The following GJD3 variants were observed in gnomAD, a reference collection of about 807,000 sequenced individuals.
The protein encoded by GJD3 is gap junction protein delta 3, also known as gap junction delta-3 protein.
For missense variants in GJD3, 421 were observed against 448.5 expected, an observed-to-expected ratio of 0.94 and a Z score of 0.55; for synonymous variants, 217 against 226.7, an observed-to-expected ratio of 0.96 and a Z score of 0.38.
Position 40,363,472 on chromosome 17 carries a change from G to A in GJD3, c.344C>T (p.Pro115Leu). 1.3e-6 allele frequency: 2 copies of A among 1,531,640 alleles called. No individual in the cohort carries two copies. The highest frequency in any genetic ancestry group is 8.8e-7 in the Non-Finnish European group (1 of 1,140,978). 94.9% of individuals were successfully genotyped at this position (1,531,640 alleles called of 1,614,324 possible). A position where few individuals can be genotyped will look rare whatever the true frequency, so the allele number is the denominator to read the frequency against. ...CGCGCACTGGGCCTCGGGCAGTCCG[G>A]GGGCGCACTGCGCCGCCGCCTCAGC... is the stretch of plus-strand genomic sequence containing the variant. The part of the protein sequence containing the change: ...GGAEAAAQCA[P>L]GLPEAQCAPC... The change falls in exon 1 of 1, where the codon CCC becomes CTC. Residue 115 changes from proline (P) to leucine (L), a missense_variant. Pro to Leu is a moderately conservative substitution (Grantham distance 98). Transcript: ENST00000578689. This position sits in a 1 kb window ranked among gnomAD's most constrained non-coding sequence, Gnocchi z 5.5.
In GJD3 at chr17:40,362,632, C is replaced by G. The variant is rs2034762207; in HGVS notation, c.*299G>C. ...CCACCTTCCGCTCTGTTCTCCCCCT[C>G]GGGTCCACTCTCTCTCAGGGTCCTG... On this transcript the variant is annotated 3_prime_UTR_variant, in exon 1 of 1. Transcript: ENST00000578689. Among the ~76,000 whole-genome samples the G allele has an allele frequency of 6.6e-6, 1 of 152,250 alleles. No homozygotes were observed. The highest frequency in any genetic ancestry group is 1.5e-5 in the Non-Finnish European group (1 of 68,042).
Position 40,363,420 on chromosome 17 carries a change from C to G in GJD3, c.396G>C (p.Ala132=). The G allele has an allele frequency of 7.6e-7, 1 of 1,309,596 alleles. No homozygotes were observed. Among genetic ancestry groups the G allele is most frequent in the Non-Finnish European group, 9.7e-7 (1 of 1,034,420 alleles). The allele number at this position is 1,309,596 out of a possible 1,614,324, so 81.1% of individuals were successfully genotyped here. The change falls in exon 1 of 1, where the codon GCG becomes GCC. Residue 132 remains alanine, a synonymous_variant. Transcript: ENST00000578689. The surrounding 1 kb of genome is among the most constrained non-coding windows in gnomAD (Gnocchi z 5.5). ...CCACGCTCAGCAGGTAGCAGCGGCG[C>G]GCGCGGCGGGCGCGCAGGGCGCACG... is the stretch of plus-strand genomic sequence containing the variant. ...CAPCALRARR[A]RRCYLLSVAL... is the part of the protein sequence containing the mutation.
rs2034755838 is a variant in GJD3, at chr17:40,361,944, T to G, written c.*987A>C. Reference sequence around the variant, plus strand: ...CGCCACAAGGGGTACTGTGAGGATGTTGCTCATAGGCTCCCGAGGATTGAG... The same window carrying G: ...CGCCACAAGGGGTACTGTGAGGATGGTGCTCATAGGCTCCCGAGGATTGAG... On this transcript the variant is annotated 3_prime_UTR_variant, in exon 1 of 1. Coordinates refer to ENST00000578689, the MANE Select transcript of GJD3 (RefSeq NM_152219.4). 7.0e-6 allele frequency among the ~76,000 whole-genome samples: 1 copy of G among 143,126 alleles called. No homozygotes were observed. The highest frequency in any genetic ancestry group is 2.3e-4 in the South Asian group (1 of 4,332). The allele number at this position is 143,126 out of a possible 152,430, so 93.9% of individuals were successfully genotyped here.
At position 40,363,219 on chromosome 17, in the gene GJD3, C is replaced by T; in HGVS notation, c.597G>A (p.Leu199=). Residue 199 remains leucine, a synonymous_variant, in exon 1 of 1, where the codon CTG becomes CTA. Coordinates refer to ENST00000578689, the MANE Select transcript of GJD3 (RefSeq NM_152219.4). This position sits in a 1 kb window ranked among gnomAD's most constrained non-coding sequence, Gnocchi z 5.5. ...CGGCTACGCTGAGCAGCGCCGACAG[C>T]AGCCCCACCGCGAAATAGAAGAGCA... ...VFVLFYFAVG[L]LSALLSVAEL... 1.4e-6 allele frequency: 2 copies of T among 1,446,926 alleles called. No individual in the cohort carries two copies. Among genetic ancestry groups the T allele is most frequent in the Non-Finnish European group, 1.8e-6 (2 of 1,098,362 alleles). The allele number at this position is 1,446,926 out of a possible 1,614,324, so 89.6% of individuals were successfully genotyped here. A position where few individuals can be genotyped will look rare whatever the true frequency, so the allele number is the denominator to read the frequency against.
Position 40,363,665 on chromosome 17 carries a change from C to T in GJD3, c.151G>A (p.Glu51Lys). ...GGCTGCAGCGTGTTGCACACGAACT[C>T]CTCTTGCTCGTCCTCGAACACGGCG... is the stretch of plus-strand genomic sequence containing the variant. ...GGAVFEDEQE[E>K]FVCNTLQPGC... The change falls in exon 1 of 1, where the codon GAG (glutamate) becomes AAG (lysine). Residue 51 changes from glutamate to lysine, a missense_variant. Glu to Lys is a moderately conservative substitution (Grantham distance 56, BLOSUM62 1). Coordinates refer to ENST00000578689, the MANE Select transcript of GJD3 (RefSeq NM_152219.4). This position sits in a 1 kb window ranked among gnomAD's most constrained non-coding sequence, Gnocchi z 5.5. 2 of 1,609,128 alleles carry T rather than the reference C, an allele frequency of 1.2e-6. No homozygotes were observed. Among genetic ancestry groups the T allele is most frequent in the Non-Finnish European group, 8.5e-7 (1 of 1,178,578 alleles).
chr17:40,363,264 G>T lies in GJD3; in HGVS notation c.552C>A (p.Pro184=). Residue 184 remains proline, a synonymous_variant, in exon 1 of 1, where the codon CCC becomes CCA. Coordinates refer to ENST00000578689, the MANE Select transcript of GJD3 (RefSeq NM_152219.4). The surrounding 1 kb of genome is among the most constrained non-coding windows in gnomAD (Gnocchi z 5.5). ...AGAGCACGAAGACGGTCTTCTCGGT[G>T]GGCCGGCTCACGAAGCAGTCGACCG... The part of the protein sequence containing the change: ...PHTVDCFVSR[P]TEKTVFVLFY... The T allele has an allele frequency of 6.9e-7, 1 of 1,440,538 alleles. No individual in the cohort carries two copies. The highest frequency in any genetic ancestry group is 9.1e-7 in the Non-Finnish European group (1 of 1,095,026). The allele number at this position is 1,440,538 out of a possible 1,614,324, so 89.2% of individuals were successfully genotyped here. A position where few individuals can be genotyped will look rare whatever the true frequency, so the allele number is the denominator to read the frequency against.
At position 40,363,405 on chromosome 17, in the gene GJD3, C is replaced by A. The variant is rs1359398298; in HGVS notation, c.411G>T (p.Leu137=). Residue 137 remains leucine (L), a synonymous_variant, in exon 1 of 1, where the codon CTG becomes CTT. Coordinates refer to ENST00000578689, the MANE Select transcript of GJD3 (RefSeq NM_152219.4). The surrounding 1 kb of genome is among the most constrained non-coding windows in gnomAD (Gnocchi z 5.5). The part of the protein sequence containing the change: ...LRARRARRCY[L]LSVALRLLAE... ...CCAGCAGGCGCAGCGCCACGCTCAGCAGGTAGCAGCGGCGCGCGCGGCGGG... is the reference window on the plus strand; with the variant it reads ...CCAGCAGGCGCAGCGCCACGCTCAGAAGGTAGCAGCGGCGCGCGCGGCGGG... The A allele has an allele frequency of 1.5e-5, 20 of 1,337,474 alleles. No homozygotes were observed. Among genetic ancestry groups the A allele is most frequent in the Non-Finnish European group, 1.9e-5 (20 of 1,049,186 alleles). 82.9% of individuals were successfully genotyped at this position (1,337,474 alleles called of 1,614,324 possible).
rs560180899 is a variant in GJD3, at chr17:40,363,782, C to T, written c.34G>A (p.Asp12Asn). 2 of 1,607,924 alleles carry T rather than the reference C, an allele frequency of 1.2e-6. No homozygotes were observed. The highest frequency in any genetic ancestry group is 2.7e-5 in the African/African-American group (2 of 74,966). ...AGCGGCGACTGCAGCTGCACGGCGTCCAGCAGCGAGCCCAGGAACGCCCAC... is the reference window on the plus strand; with the variant it reads ...AGCGGCGACTGCAGCTGCACGGCGTTCAGCAGCGAGCCCAGGAACGCCCAC... ...GEWAFLGSLL[D>N]AVQLQSPLVG... Residue 12 changes from aspartate to asparagine, a missense_variant, in exon 1 of 1, where the codon GAC becomes AAC. By Grantham distance (23) the Asp-to-Asn change is conservative. Coordinates refer to ENST00000578689, the MANE Select transcript of GJD3 (RefSeq NM_152219.4). The surrounding 1 kb of genome is among the most constrained non-coding windows in gnomAD (Gnocchi z 5.5).
chr17:40,364,043 C>T lies in GJD3; in HGVS notation c.-228G>A, dbSNP rs2034779608. The T allele has an allele frequency of 1.7e-6, 1 of 589,352 alleles. No individual in the cohort carries two copies. The highest frequency in any genetic ancestry group is 3.1e-6 in the Non-Finnish European group (1 of 327,580). The allele number at this position is 589,352 out of a possible 1,614,324, so 36.5% of individuals were successfully genotyped here. A position where few individuals can be genotyped will look rare whatever the true frequency, so the allele number is the denominator to read the frequency against. ...CTATGGGTTACCTTCTCTTTGGGAC[C>T]GATGGGTGCTGGGGAGGATCCCCCA... On this transcript the variant is annotated 5_prime_UTR_variant, in exon 1 of 1. Transcript: ENST00000578689.
rs1474882698 is a variant in GJD3, at chr17:40,363,018, C to T, written c.798G>A (p.Ala266=). ...GPEPCAPPAY[A]HPAPASLREC... Reference sequence around the variant, plus strand: ...CGCGGAGGCTGGCCGGCGCCGGGTGCGCATAGGCCGGCGGGGCGCACGGCT... The same window carrying T: ...CGCGGAGGCTGGCCGGCGCCGGGTGTGCATAGGCCGGCGGGGCGCACGGCT... The change falls in exon 1 of 1, where the codon GCG becomes GCA. Residue 266 remains alanine, a synonymous_variant. Coordinates refer to ENST00000578689, the MANE Select transcript of GJD3 (RefSeq NM_152219.4). The surrounding 1 kb of genome is among the most constrained non-coding windows in gnomAD (Gnocchi z 5.5). 29 of 1,207,232 alleles carry T rather than the reference C, an allele frequency of 2.4e-5. No homozygotes were observed. The highest frequency in any genetic ancestry group is 6.5e-4 in the Middle Eastern group (2 of 3,094). 74.8% of individuals were successfully genotyped at this position (1,207,232 alleles called of 1,614,324 possible). A position where few individuals can be genotyped will look rare whatever the true frequency, so the allele number is the denominator to read the frequency against.
chr17:40,364,199 C>G lies in GJD3; in HGVS notation c.-384G>C, dbSNP rs2034780722. 5.0e-6 allele frequency: 1 copy of G among 200,038 alleles called. No homozygotes were observed. The highest frequency in any genetic ancestry group is 1.1e-5 in the Non-Finnish European group (1 of 87,990). The allele number at this position is 200,038 out of a possible 1,614,324, so 12.4% of individuals were successfully genotyped here. A position where few individuals can be genotyped will look rare whatever the true frequency, so the allele number is the denominator to read the frequency against. On this transcript the variant is annotated 5_prime_UTR_variant, in exon 1 of 1. Coordinates refer to ENST00000578689, the MANE Select transcript of GJD3 (RefSeq NM_152219.4). ...ACTTGCCTGGTTTCGGAAGCGGAAA[C>G]CCAGCGGTGCCCTTAGCTGTCAAGG...
At position 40,363,442 on chromosome 17, in the gene GJD3, C is replaced by T. The variant is rs1409775894; in HGVS notation, c.374G>A (p.Cys125Tyr). 1.5e-6 allele frequency: 2 copies of T among 1,332,096 alleles called. No individual in the cohort carries two copies. The highest frequency in any genetic ancestry group is 2.0e-5 in the South Asian group (1 of 50,178). The allele number at this position is 1,332,096 out of a possible 1,614,324, so 82.5% of individuals were successfully genotyped here. The change falls in exon 1 of 1, where the codon TGC (cysteine) becomes TAC (tyrosine). Residue 125 changes from cysteine to tyrosine, a missense_variant. Cys to Tyr is a radical substitution (Grantham distance 194). Coordinates refer to ENST00000578689, the MANE Select transcript of GJD3 (RefSeq NM_152219.4). This position sits in a 1 kb window ranked among gnomAD's most constrained non-coding sequence, Gnocchi z 5.5. ...GCGCGCGCGGCGGGCGCGCAGGGCGCACGGCGCGCACTGGGCCTCGGGCAG... is the reference window on the plus strand; with the variant it reads ...GCGCGCGCGGCGGGCGCGCAGGGCGTACGGCGCGCACTGGGCCTCGGGCAG... ...PGLPEAQCAPCALRARRARRC... is the reference protein window; with the variant it reads ...PGLPEAQCAPYALRARRARRC...
At position 40,363,719 on chromosome 17, in the gene GJD3, G is replaced by A. The variant is rs747502161; in HGVS notation, c.97C>T (p.Arg33Cys). 1.9e-5 allele frequency: 31 copies of A among 1,610,298 alleles called. No homozygotes were observed. In the East Asian group the frequency reaches 6.7e-4, roughly 35 times the overall value. Residue 33 changes from arginine to cysteine, a missense_variant, in exon 1 of 1, where the codon CGC becomes TGC. Coordinates refer to ENST00000578689, the MANE Select transcript of GJD3 (RefSeq NM_152219.4). This position sits in a 1 kb window ranked among gnomAD's most constrained non-coding sequence, Gnocchi z 5.5. ...CCCACCGTGGCCAGCACCAGGATGCGGAAGATCAGCATGACCACCAGCCAG... is the reference window on the plus strand; with the variant it reads ...CCCACCGTGGCCAGCACCAGGATGCAGAAGATCAGCATGACCACCAGCCAG... ...RLWLVVMLIF[R>C]ILVLATVGGA...
rs986309064 is a variant in GJD3 at position 40,361,147 on chromosome 17, C to T, written c.*1784G>A. On this transcript the variant is annotated 3_prime_UTR_variant, in exon 1 of 1. Transcript: ENST00000578689. ...CAAGTGACAACAATAGGTGGGTGGG[C>T]ATTAGCTAGGGGAGGAGAAGGCTGC... 2 of 403,398 alleles carry T rather than the reference C, an allele frequency of 5.0e-6. No individual in the cohort carries two copies. The highest frequency in any genetic ancestry group is 9.9e-6 in the Non-Finnish European group (2 of 202,906). The allele number at this position is 403,398 out of a possible 1,614,324, so 25.0% of individuals were successfully genotyped here.
In GJD3 at chr17:40,362,496, T is replaced by C. The variant is rs940604470; in HGVS notation, c.*435A>G. On this transcript the variant is annotated 3_prime_UTR_variant, in exon 1 of 1. Transcript: ENST00000578689. Reference sequence around the variant, plus strand: ...AGCTCACAGTGCTTATGTGTCCGTGTATGCACACTCGCAGAGAGCCCACAG... The same window carrying C: ...AGCTCACAGTGCTTATGTGTCCGTGCATGCACACTCGCAGAGAGCCCACAG... 6.6e-6 allele frequency among the ~76,000 whole-genome samples: 1 copy of C among 152,204 alleles called. No homozygotes were observed. The highest frequency in any genetic ancestry group is 1.5e-5 in the Non-Finnish European group (1 of 68,028).
Position 40,363,216 on chromosome 17 carries a change from C to G in GJD3, c.600G>C (p.Leu200=), listed in dbSNP as rs1285219998. The change falls in exon 1 of 1, where the codon CTG becomes CTC. Residue 200 remains leucine, a synonymous_variant. Coordinates refer to ENST00000578689, the MANE Select transcript of GJD3 (RefSeq NM_152219.4). This position sits in a 1 kb window ranked among gnomAD's most constrained non-coding sequence, Gnocchi z 5.5. The stretch of plus-strand genomic sequence containing the variant: ...GCTCGGCTACGCTGAGCAGCGCCGA[C>G]AGCAGCCCCACCGCGAAATAGAAGA... ...FVLFYFAVGL[L]SALLSVAELG... The G allele has an allele frequency of 3.5e-6, 5 of 1,447,326 alleles. No homozygotes were observed. The African/African-American group carries it at 7.3e-5, about 21-fold the overall frequency. The allele number at this position is 1,447,326 out of a possible 1,614,324, so 89.7% of individuals were successfully genotyped here.
chr17:40,363,447 C>A lies in GJD3; in HGVS notation c.369G>T (p.Ala123=). 1 of 1,346,186 alleles carries A rather than the reference C, an allele frequency of 7.4e-7. No individual in the cohort carries two copies. Among genetic ancestry groups the A allele is most frequent in the South Asian group, 1.9e-5 (1 of 53,640 alleles). The allele number at this position is 1,346,186 out of a possible 1,614,324, so 83.4% of individuals were successfully genotyped here. A position where few individuals can be genotyped will look rare whatever the true frequency, so the allele number is the denominator to read the frequency against. Residue 123 remains alanine, a synonymous_variant, in exon 1 of 1, where the codon GCG becomes GCT. Transcript: ENST00000578689. The surrounding 1 kb of genome is among the most constrained non-coding windows in gnomAD (Gnocchi z 5.5). The part of the protein sequence containing the change: ...CAPGLPEAQC[A]PCALRARRAR... ...CGCGGCGGGCGCGCAGGGCGCACGG[C>A]GCGCACTGGGCCTCGGGCAGTCCGG... is the stretch of plus-strand genomic sequence containing the variant.
Position 40,363,129 on chromosome 17 carries a change from ACGGTTGCAG to A in GJD3, c.678_686del (p.Cys227_Arg229del). ...GCAGCTTCTGCGCCTCTTCGTGTGC[ACGGTTGCAG>A]CGGTTGTCACGCTCCCCGGCGCGCG... On this transcript the variant is annotated inframe_deletion, in exon 1 of 1. Transcript: ENST00000578689. The surrounding 1 kb of genome is among the most constrained non-coding windows in gnomAD (Gnocchi z 5.5). 1 of 1,359,794 alleles carries A rather than the reference ACGGTTGCAG, an allele frequency of 7.4e-7. No individual in the cohort carries two copies. The highest frequency in any genetic ancestry group is 9.5e-7 in the Non-Finnish European group (1 of 1,051,376). The allele number at this position is 1,359,794 out of a possible 1,614,324, so 84.2% of individuals were successfully genotyped here.
chr17:40,363,930 G>T lies in GJD3; in HGVS notation c.-115C>A. On this transcript the variant is annotated 5_prime_UTR_variant, in exon 1 of 1. Transcript: ENST00000578689. The surrounding 1 kb of genome is among the most constrained non-coding windows in gnomAD (Gnocchi z 5.5). Reference sequence around the variant, plus strand: ...ACCTTCTCTGACTTCAGGGTGAGTCGTGAGGTAGGAGAGGCCCGGGTTTAG... The same window carrying T: ...ACCTTCTCTGACTTCAGGGTGAGTCTTGAGGTAGGAGAGGCCCGGGTTTAG... 7.2e-7 allele frequency: 1 copy of T among 1,396,188 alleles called. No homozygotes were observed. The highest frequency in any genetic ancestry group is 9.6e-7 in the Non-Finnish European group (1 of 1,045,106). 86.5% of individuals were successfully genotyped at this position (1,396,188 alleles called of 1,614,324 possible).
Sources: allele counts gnomAD v4.1 joint callset (sites outside exome capture counted in the v4.1 genomes callset), GRCh38; gene constraint gnomAD v4.1.1; non-coding constraint Gnocchi (gnomAD v3.1); transcripts MANE v1.5; gene names NCBI Gene and HGNC (gene_info 2026-07-23, HGNC 2026-07-21).